The following PKHD1L1 variants were observed in gnomAD, a reference collection of about 807,000 sequenced individuals.
PKHD1L1 encodes fibrocystin-L.
A neutral mutation model predicts 462.9 loss-of-function variants in PKHD1L1; 434 were observed. The ratio of observed to expected loss-of-function variants is 0.94; its 90% CI spans 0.87 to 1.02. PKHD1L1 has a LOEUF of 1.02. PKHD1L1 is among the 50% of genes least tolerant of loss of function. The pLI is 0.00. For missense variants in PKHD1L1, 5,202 were observed against 5,096.1 expected (o/e 1.02, Z -0.63); for synonymous variants, 1,781 against 1,750.0 (o/e 1.02, Z -0.44).
intron 10 of PKHD1L1, 83 bp from the exon 11 acceptor site, chr8:109,395,944 G>A: frequency 1.1e-6 from 1 of 894,750 alleles, no homozygotes; most frequent in Non-Finnish European, 1.8e-6. Flanking sequence ...CTATGGCTAG[G>A]TAATTTGGAA....
intron 28 of PKHD1L1, among the ~76,000 whole-genome samples, chr8:109,434,650 A>G (rs923932159): frequency 6.6e-6 from 1 of 151,718 alleles, no homozygotes; most frequent in South Asian, 2.1e-4. Flanking sequence ...TGTATTTTTA[A>G]TAGAGACAGG....
intron 2 of PKHD1L1, among the ~76,000 whole-genome samples, chr8:109,374,721 G>T (rs1811711646): frequency 1.3e-5 from 2 of 152,052 alleles, no homozygotes; most frequent in Non-Finnish European, 2.9e-5. Context: ...CTCAGCATTT[G>T]CTTGTCTGTA....
In PKHD1L1 at chr8:109,396,024, C is replaced by G; in HGVS notation, c.812-3C>G. The stretch of plus-strand genomic sequence containing the variant: ...TATTTTATTTAATGTGGTTTTCCCC[C>G]AGAGGTCACCATGATTTTCCCTTCA... On this transcript the variant is annotated splice_polypyrimidine_tract_variant and splice_region_variant and intron_variant, in intron 10 of 77. Coordinates refer to ENST00000378402, the MANE Select transcript of PKHD1L1 (RefSeq NM_177531.6). The G allele has an allele frequency of 6.3e-7, 1 of 1,578,384 alleles. No homozygotes were observed.
intron 30 of PKHD1L1, among the ~76,000 whole-genome samples, chr8:109,437,537 C>T (rs1173907965): frequency 7.1e-6 from 1 of 140,490 alleles, no homozygotes; most frequent in Non-Finnish European, 1.5e-5. Flanking sequence ...GGAAGGGGAA[C>T]ATAAAACATA....
chr8:109,434,869 G>A (rs1815310757), intron 28 of PKHD1L1, among the ~76,000 whole-genome samples: 1 of 149,288 alleles, frequency 6.7e-6, no homozygotes, highest in Non-Finnish European at 1.5e-5. Flanking sequence ...TTAAATAAAT[G>A]AGCTTATAAA....
rs929945297 is a variant in PKHD1L1 at position 109,466,674 on chromosome 8, T to A, written c.8510T>A (p.Val2837Asp). The A allele has an allele frequency of 2.5e-6, 4 of 1,612,016 alleles. No individual in the cohort carries two copies. In the African/African-American group the frequency reaches 4.0e-5, roughly 16 times the overall value. The change falls in exon 50 of 78, where the codon GTC becomes GAC. Residue 2837 changes from valine to aspartate, a missense_variant. Coordinates refer to ENST00000378402, the MANE Select transcript of PKHD1L1 (RefSeq NM_177531.6). The part of the protein sequence containing the change: ...AEWSIGFPGS[V>D]CDASVSFHRL... ...TGGAGCATTGGGTTCCCTGGATCAG[T>A]CTGTGATGCTTCAGTCAGCTTTCAC...
chr8:109,522,944 G>A (rs1820626656), intron 75 of PKHD1L1, 54 bp downstream of exon 75: 2 of 1,496,472 alleles, frequency 1.3e-6, no homozygotes, highest in East Asian at 4.9e-5. Context: ...TACAAATTCT[G>A]AAGGATGAGC....
chr8:109,458,862 T>A (rs1816960685), intron 46 of PKHD1L1, among the ~76,000 whole-genome samples: 2 of 152,124 alleles, frequency 1.3e-5, no homozygotes, highest in African/African-American at 4.8e-5. Flanking sequence ...CTACTTGGTA[T>A]CCCCAGTGCT....
In PKHD1L1 at chr8:109,374,922, C is replaced by T. The variant is rs539421107; in HGVS notation, c.164-6448C>T. On this transcript the variant is annotated intron_variant, in intron 2 of 77. Coordinates refer to ENST00000378402, the MANE Select transcript of PKHD1L1 (RefSeq NM_177531.6). ...TGGGTAACCCGATCTTTCTCTCTAG[C>T]TGCCCTTAACATTTTTTCCTTCATT... Among the ~76,000 whole-genome samples the T allele has an allele frequency of 2.6e-5, 4 of 152,316 alleles. No individual in the cohort carries two copies. The South Asian group carries it at 8.3e-4, about 32-fold the overall frequency.
At position 109,408,190 on chromosome 8, in the gene PKHD1L1, G is replaced by T; in HGVS notation, c.1955G>T (p.Trp652Leu). 1.2e-6 allele frequency: 2 copies of T among 1,612,070 alleles called. No homozygotes were observed. The highest frequency in any genetic ancestry group is 1.7e-6 in the Non-Finnish European group (2 of 1,178,848). The stretch of plus-strand genomic sequence containing the variant: ...ATCGCTTCTAAGCCACTCACTCTAT[G>T]GTCATCAGAAGCTGAAGTACGGTGT... Reference protein sequence around the residue: ...DGIASKPLTLWSSEAEFQGAV... With the variant: ...DGIASKPLTLLSSEAEFQGAV... The change falls in exon 18 of 78, where the codon TGG (tryptophan) becomes TTG (leucine). Residue 652 changes from tryptophan (W) to leucine (L), a missense_variant. By Grantham distance (61) the Trp-to-Leu change is moderately conservative. This residue lies in a region of PKHD1L1 where 4,497 missense variants were observed against 4,336.8 expected (regional missense o/e 1.04). Coordinates refer to ENST00000378402, the MANE Select transcript of PKHD1L1 (RefSeq NM_177531.6).
In PKHD1L1 at chr8:109,438,899, G is replaced by A. The variant is rs2130730062; in HGVS notation, c.3763G>A (p.Glu1255Lys). 1 of 1,590,970 alleles carries A rather than the reference G, an allele frequency of 6.3e-7. No individual in the cohort carries two copies. The highest frequency in any genetic ancestry group is 8.6e-7 in the Non-Finnish European group (1 of 1,167,768). The stretch of plus-strand genomic sequence containing the variant: ...TTTTTTAAATTTTAAAATACCAGGA[G>A]AAGTTAATTTAACAATTAAGGGCTA... ...FSPKVRTILGEVNLTIKGYNF... is the reference protein window; with the variant it reads ...FSPKVRTILGKVNLTIKGYNF... Residue 1255 changes from glutamate to lysine, a missense_variant and splice_region_variant, in exon 32 of 78, where the codon GAA becomes AAA. This residue lies in a region of PKHD1L1 where 4,497 missense variants were observed against 4,336.8 expected (regional missense o/e 1.04). Transcript: ENST00000378402.
chr8:109,487,589 T>C (rs1057368327), intron 59 of PKHD1L1, among the ~76,000 whole-genome samples: 2 of 151,848 alleles, frequency 1.3e-5, no homozygotes, highest in African/African-American at 4.8e-5. Flanking sequence ...AAGAAGTTGG[T>C]CCTCTAATTC....
chr8:109,466,849 C>A (rs1817468678), intron 50 of PKHD1L1, 80 bp downstream of exon 50: 2 of 1,318,260 alleles, frequency 1.5e-6, no homozygotes, highest in South Asian at 2.8e-5. Context: ...TGCATTGTTA[C>A]TTGGTTGTTC....
intron 21 of PKHD1L1, among the ~76,000 whole-genome samples, chr8:109,415,299 C>A (rs895395598): frequency 1.3e-5 from 2 of 152,148 alleles, no homozygotes; most frequent in African/African-American, 4.8e-5. Context: ...AGACACCATG[C>A]CTGGCCCCCA....
At chr8:109,416,865 C>T (rs545736080) in intron 21 of PKHD1L1, among the ~76,000 whole-genome samples, 1 of 152,272 alleles carries the variant, frequency 6.6e-6, no homozygotes, top group East Asian at 1.9e-4. Context: ...ATCTGAGGTA[C>T]ATTTTCAACA....
At position 109,464,500 on chromosome 8, in the gene PKHD1L1, T is replaced by C; in HGVS notation, c.7668T>C (p.Asp2556=). Residue 2556 remains aspartate, a synonymous_variant, in exon 49 of 78, where the codon GAT becomes GAC. Transcript: ENST00000378402. ...AAAGTACCAGTCTTCTGAATGATGA[T>C]GTGACCCCGGCTGCATTTTGGGTCA... ...VQQSTSLLND[D]VTPAAFWVTN... 6.2e-7 allele frequency: 1 copy of C among 1,613,826 alleles called. No individual in the cohort carries two copies. The highest frequency in any genetic ancestry group is 1.1e-5 in the South Asian group (1 of 91,090).
intron 63 of PKHD1L1, among the ~76,000 whole-genome samples, chr8:109,495,424 C>T (rs1819034817): frequency 1.3e-5 from 2 of 151,878 alleles, no homozygotes; most frequent in Non-Finnish European, 2.9e-5. Context: ...ATAATTGAGA[C>T]TATTTATAAG....
At chr8:109,370,018 A>G (rs1811417752) in intron 2 of PKHD1L1, among the ~76,000 whole-genome samples, 1 of 152,160 alleles carries the variant, frequency 6.6e-6, no homozygotes, top group Non-Finnish European at 1.5e-5. Context: ...CCTACATACT[A>G]AAGAAAGAAT....
At chr8:109,401,810 G>T (rs1455387637) in intron 14 of PKHD1L1, among the ~76,000 whole-genome samples, 1 of 152,086 alleles carries the variant, frequency 6.6e-6, no homozygotes, top group Admixed American at 6.6e-5. Flanking sequence ...GATTAACCCT[G>T]TTGCAAAATT....
Sources: allele counts gnomAD v4.1 joint callset (sites outside exome capture counted in the v4.1 genomes callset), GRCh38; gene constraint gnomAD v4.1.1; regional missense constraint gnomAD v4.1.1; transcripts MANE v1.5; gene names NCBI Gene and HGNC (gene_info 2026-07-23, HGNC 2026-07-21).